SNCAIP: variants seen among roughly 807,000 people sequenced by gnomAD.
SNCAIP encodes synphilin-1.
In SNCAIP, 43 loss-of-function variants were observed where a neutral mutation model predicts 86.7. The observed-to-expected ratio is 0.50, with a 90% CI of 0.39 to 0.64. The LOEUF is 0.64. Among genes scored for constraint, SNCAIP ranks in the 30% least tolerant of loss-of-function variants. The pLI, the probability that SNCAIP is intolerant of heterozygous loss-of-function variation, is 0.00. For synonymous variants in SNCAIP, 417 were observed against 427.2 expected, an observed-to-expected ratio of 0.98 and a Z score of 0.29; for missense variants, 981 against 1,103.1, an observed-to-expected ratio of 0.89 and a Z score of 1.57.
chr5:122,363,336 A>G (rs1033416433), intron 1 of SNCAIP, among the ~76,000 whole-genome samples: 6 of 152,182 alleles, frequency 3.9e-5, no homozygotes, highest in African/African-American at 1.4e-4. Context: ...ATTCAGTGCC[A>G]GTAATTCCAG....
intron 8 of SNCAIP, among the ~76,000 whole-genome samples, chr5:122,449,210 C>G (rs1469135214): frequency 6.6e-6 from 1 of 152,134 alleles, no homozygotes; most frequent in East Asian, 1.9e-4. Flanking sequence ...GCAAAATCAT[C>G]TAACACAAAT....
chr5:122,364,917 A>G (rs971053352), intron 1 of SNCAIP, among the ~76,000 whole-genome samples: 1 of 152,218 alleles, frequency 6.6e-6, no homozygotes, highest in African/African-American at 2.4e-5. Flanking sequence ...CTAAATTTTT[A>G]AAATATACTG....
At chr5:122,342,897 T>C (rs1442229377) in intron 1 of SNCAIP, among the ~76,000 whole-genome samples, 2 of 152,240 alleles carry the variant, frequency 1.3e-5, no homozygotes, top group South Asian at 2.1e-4. Flanking sequence ...TCTTATCTTA[T>C]GCATGGTTTG....
intron 1 of SNCAIP, among the ~76,000 whole-genome samples, chr5:122,345,935 G>A (rs1758543270): frequency 1.3e-5 from 2 of 151,996 alleles, no homozygotes; most frequent in African/African-American, 2.4e-5. Context: ...TTACAGTTGT[G>A]AGCCACTGTG....
At chr5:122,333,233 G>C (rs959801977) in intron 1 of SNCAIP, among the ~76,000 whole-genome samples, 1 of 152,200 alleles carries the variant, frequency 6.6e-6, no homozygotes, top group Non-Finnish European at 1.5e-5. Flanking sequence ...TTATTTATGA[G>C]CAAAGATAAA....
intron 1 of SNCAIP, among the ~76,000 whole-genome samples, chr5:122,370,756 C>T (rs1434470): frequency 0.13 from 19,108 of 152,102 alleles, 1,287 homozygotes; most frequent in South Asian, 0.24. Flanking sequence ...TGTAAAGGAA[C>T]ATATGACATG....
chr5:122,362,027 C>G (rs939633577), intron 1 of SNCAIP, among the ~76,000 whole-genome samples: 1 of 152,188 alleles, frequency 6.6e-6, no homozygotes, highest in South Asian at 2.1e-4. Flanking sequence ...TCCTAATTTC[C>G]TAATCATCAC....
chr5:122,431,416 A>T (rs975677577), intron 5 of SNCAIP, among the ~76,000 whole-genome samples: 16 of 152,176 alleles, frequency 1.1e-4, no homozygotes, highest in Admixed American at 1.0e-3. Context: ...TCTCAGCAAT[A>T]GAAAAGGAAT....
intron 6 of SNCAIP, among the ~76,000 whole-genome samples, chr5:122,435,463 A>G (rs774873132): frequency 1.3e-5 from 2 of 152,112 alleles, no homozygotes; most frequent in African/African-American, 2.4e-5. Flanking sequence ...TGCGCTGGTT[A>G]TTAGTCCAGT....
At chr5:122,387,340 A>G (rs1255550545) in intron 1 of SNCAIP, among the ~76,000 whole-genome samples, 1 of 151,956 alleles carries the variant, frequency 6.6e-6, no homozygotes, top group African/African-American at 2.4e-5. Flanking sequence ...TTGCATTTTT[A>G]GTAGAGATGG....
intron 2 of SNCAIP, among the ~76,000 whole-genome samples, chr5:122,400,794 C>A (rs1444899730): frequency 6.6e-6 from 1 of 152,144 alleles, no homozygotes; most frequent in Non-Finnish European, 1.5e-5. Context: ...AGCTGGTCAA[C>A]CTTTGGCAGA....
At chr5:122,317,373 A>C (rs528469742) in intron 1 of SNCAIP, among the ~76,000 whole-genome samples, 67 of 152,350 alleles carry the variant, frequency 4.4e-4, no homozygotes, top group Non-Finnish European at 7.9e-4. Flanking sequence ...TCTTTTCTTC[A>C]TGGTGGCAAA....
chr5:122,334,097 A>G (rs1755926197), intron 1 of SNCAIP, among the ~76,000 whole-genome samples: 4 of 152,226 alleles, frequency 2.6e-5, no homozygotes, highest in Admixed American at 1.3e-4. Context: ...TTCTCCAAAG[A>G]GGTTATAAGA....
intron 2 of SNCAIP, chr5:122,401,108 C>T (rs1191230209): frequency 1.9e-6 from 3 of 1,549,620 alleles, no homozygotes; most frequent in African/African-American, 2.7e-5. Flanking sequence ...TGGGAGCTTG[C>T]CATTGTCCTG....
intron 2 of SNCAIP, chr5:122,400,975 T>C (rs1360516995): frequency 1.3e-6 from 2 of 1,545,148 alleles, no homozygotes; most frequent in Admixed American, 2.0e-5. Context: ...TCTTCACTCT[T>C]CTCACCCAAG....
At chr5:122,424,492 CA>C (rs1461554729) in intron 4 of SNCAIP, among the ~76,000 whole-genome samples, 1 of 152,212 alleles carries the variant, frequency 6.6e-6, no homozygotes, top group East Asian at 1.9e-4. Context: ...AGAAAATCAT[CA>C]CATCTTGGCA....
At chr5:122,424,081 C>A (rs1776916728) in intron 4 of SNCAIP, among the ~76,000 whole-genome samples, 1 of 152,186 alleles carries the variant, frequency 6.6e-6, no homozygotes, top group African/African-American at 2.4e-5. Context: ...TCTCACGCAG[C>A]TATTTGTGAG....
rs931760888 is a variant in SNCAIP at position 122,463,728 on chromosome 5, A to T, written c.*232A>T. Reference sequence around the variant, plus strand: ...TTAAATTTATAGTAGTAGACTGTAAAAGATTCATTTTGGGGTGATATCTGT... The same window carrying T: ...TTAAATTTATAGTAGTAGACTGTAATAGATTCATTTTGGGGTGATATCTGT... On this transcript the variant is annotated 3_prime_UTR_variant, in exon 11 of 11. Coordinates refer to ENST00000261368, the MANE Select transcript of SNCAIP (RefSeq NM_005460.4). The T allele has an allele frequency of 1.4e-5, 7 of 516,530 alleles. No individual in the cohort carries two copies. Among genetic ancestry groups the T allele is most frequent in the Non-Finnish European group, 2.1e-5 (6 of 292,444 alleles). The allele number at this position is 516,530 out of a possible 1,614,324, so 32.0% of individuals were successfully genotyped here.
chr5:122,439,715 G>GATC (rs756640432), intron 6 of SNCAIP, among the ~76,000 whole-genome samples: 85 of 152,242 alleles, frequency 5.6e-4, no homozygotes, highest in Non-Finnish European at 8.5e-4. Flanking sequence ...TCAAACACAT[G>GATC]ATCATCTTTT....
Sources: allele counts gnomAD v4.1 joint callset (sites outside exome capture counted in the v4.1 genomes callset), GRCh38; gene constraint gnomAD v4.1.1; transcripts MANE v1.5; gene names NCBI Gene and HGNC (gene_info 2026-07-23, HGNC 2026-07-21).